Variants in HAX1 observed in about 807,000 individuals in gnomAD.
HAX1 encodes the protein HCLS1-associated protein X-1.
HAX1 carries 27 observed loss-of-function variants against 31.1 expected under a neutral mutation model. The ratio of observed to expected loss-of-function variants is 0.87; its 90% CI spans 0.64 to 1.20. The LOEUF (loss-of-function observed/expected upper bound fraction) is 1.20, where lower values mean the gene tolerates loss of function less well. Among genes scored for constraint, HAX1 ranks in the 50% most tolerant of loss-of-function variants. HAX1 has a pLI of 0.00. For missense variants in HAX1, 357 were observed against 361.6 expected, an observed-to-expected ratio of 0.99 and a Z score of 0.10; for synonymous variants, 114 against 124.1, an observed-to-expected ratio of 0.92 and a Z score of 0.54.
At position 154,274,126 on chromosome 1, in the gene HAX1, G is replaced by A. The variant is rs143120780; in HGVS notation, c.504+165G>A. On this transcript the variant is annotated intron_variant, in intron 3 of 6. Coordinates refer to ENST00000328703, the MANE Select transcript of HAX1 (RefSeq NM_006118.4). ...AGTTGGAGACCAGCCTGGTCAACAT[G>A]GTGAAACCCCGTGTCTACTAAAAAT... Among the ~76,000 whole-genome samples, 1,169 of 152,184 alleles carry A rather than the reference G, an allele frequency of 7.7e-3. 12 individuals carry two copies. Among genetic ancestry groups the A allele is most frequent in the African/African-American group, 0.027 (1,119 of 41,526 alleles).
In HAX1 at chr1:154,275,191, G is replaced by A. The variant is rs752302439; in HGVS notation, c.594G>A (p.Pro198=). ...AGGTTTCCCAGGAGGGTCTTGGCCC[G>A]GTTCTACAGCCCCAGCCCAAATCCT... ...DSQVSQEGLG[P]VLQPQPKSYF... The change falls in exon 5 of 7, where the codon CCG becomes CCA. Residue 198 remains proline (P), a synonymous_variant. Transcript: ENST00000328703. The A allele has an allele frequency of 3.6e-5, 58 of 1,613,338 alleles. No individual in the cohort carries two copies. Among genetic ancestry groups the A allele is most frequent in the African/African-American group, 1.2e-4 (9 of 74,866 alleles).
At chr1:154,275,526 G>A in intron 6 of HAX1, 43 bp downstream of exon 6, 5 of 1,585,216 alleles carry the variant, frequency 3.2e-6, no homozygotes, top group Non-Finnish European at 3.5e-6. Flanking sequence ...ATTCCTTGGG[G>A]AAGGGAAATC....
chr1:154,273,698 A>T, intron 2 of HAX1, 76 bp from the exon 3 acceptor site: 1 of 1,595,422 alleles, frequency 6.3e-7, no homozygotes, highest in Non-Finnish European at 8.6e-7. Flanking sequence ...AAGTGTGAGA[A>T]GACTGATGAT....
chr1:154,272,630 A>T lies in HAX1; in HGVS notation c.-94A>T. 2 of 1,279,566 alleles carry T rather than the reference A, an allele frequency of 1.6e-6. No individual in the cohort carries two copies. The highest frequency in any genetic ancestry group is 1.8e-5 in the Admixed American group (1 of 54,138). 79.3% of individuals were successfully genotyped at this position (1,279,566 alleles called of 1,614,324 possible). ...GCTTGCTTTCCGGTAGCGTGGGCTGACGCCTCGCTCAATTTCTCACAGGGC... is the reference window on the plus strand; with the variant it reads ...GCTTGCTTTCCGGTAGCGTGGGCTGTCGCCTCGCTCAATTTCTCACAGGGC... On this transcript the variant is annotated 5_prime_UTR_variant, in exon 1 of 7. Transcript: ENST00000328703.
Position 154,275,808 on chromosome 1 carries a change from T to C in HAX1, c.*107T>C, listed in dbSNP as rs1368791573. ...ACCTCAGGGGCTTGGATATGTGGAA[T>C]AGTGAACTGGGGCCATGTCAGTTTG... On this transcript the variant is annotated 3_prime_UTR_variant, in exon 7 of 7. Coordinates refer to ENST00000328703, the MANE Select transcript of HAX1 (RefSeq NM_006118.4). 13 of 767,472 alleles carry C rather than the reference T, an allele frequency of 1.7e-5. No homozygotes were observed. The highest frequency in any genetic ancestry group is 2.8e-5 in the Non-Finnish European group (12 of 429,048). The allele number at this position is 767,472 out of a possible 1,614,324, so 47.5% of individuals were successfully genotyped here.
At chr1:154,273,129 G>C in intron 1 of HAX1, 1 of 608,742 alleles carries the variant, frequency 1.6e-6, no homozygotes. Flanking sequence ...AGGGAGCTGC[G>C]AGCTGAGGTC....
chr1:154,274,440 T>C (rs535048810), intron 3 of HAX1, among the ~76,000 whole-genome samples: 1 of 152,136 alleles, frequency 6.6e-6, no homozygotes, highest in Admixed American at 6.5e-5. Flanking sequence ...AGAGATGGCG[T>C]TTCACCGTGT....
In HAX1 at chr1:154,275,458, C is replaced by T. The variant is rs145975391; in HGVS notation, c.729C>T (p.His243=). ...EGRTETTVTR[H]EADSSPRGDP... ...GGACAGAGACTACAGTAACCCGACA[C>T]GAAGCAGATAGCAGTCCTAGGGGTG... The change falls in exon 6 of 7, where the codon CAC becomes CAT. Residue 243 remains histidine, a synonymous_variant. Coordinates refer to ENST00000328703, the MANE Select transcript of HAX1 (RefSeq NM_006118.4). 49 of 1,613,864 alleles carry T rather than the reference C, an allele frequency of 3.0e-5. No individual in the cohort carries two copies. The highest frequency in any genetic ancestry group is 5.5e-5 in the South Asian group (5 of 91,088).
chr1:154,272,719 C>T lies in HAX1; in HGVS notation c.-5C>T, dbSNP rs1221892429. The T allele has an allele frequency of 1.9e-6, 3 of 1,613,984 alleles. No individual in the cohort carries two copies. Among genetic ancestry groups the T allele is most frequent in the Admixed American group, 1.7e-5 (1 of 60,000 alleles). ...GGGTTCAAAGGTTCGCGTCCCAGTA[C>T]GGGAATGAGCCTCTTTGATCTCTTC... On this transcript the variant is annotated 5_prime_UTR_variant, in exon 1 of 7. The change creates a new upstream start codon in the 5' untranslated region. Transcript: ENST00000328703.
intron 2 of HAX1, 36 bp from the exon 3 acceptor site, chr1:154,273,738 T>C: frequency 6.2e-7 from 1 of 1,613,400 alleles, no homozygotes; most frequent in Non-Finnish European, 8.5e-7. Flanking sequence ...CCCAAGTCCT[T>C]TCCCATCCCA....
intron 3 of HAX1, among the ~76,000 whole-genome samples, chr1:154,274,662 G>T (rs1406016255): frequency 6.6e-6 from 1 of 152,042 alleles, no homozygotes; most frequent in Non-Finnish European, 1.5e-5. Context: ...GGGGAGATGG[G>T]TGTTCTGTTT....
At position 154,274,936 on chromosome 1, in the gene HAX1, G is replaced by T. The variant is rs200863707; in HGVS notation, c.505-14G>T. ...TGGAAGGAGTCTTTTCACTTACTAT[G>T]GTTTCTTCTGCAGTTTGATGATGTA... On this transcript the variant is annotated splice_polypyrimidine_tract_variant and intron_variant, in intron 3 of 6. Coordinates refer to ENST00000328703, the MANE Select transcript of HAX1 (RefSeq NM_006118.4). 5 of 1,599,758 alleles carry T rather than the reference G, an allele frequency of 3.1e-6. No individual in the cohort carries two copies. The African/African-American group carries it at 6.7e-5, about 21-fold the overall frequency.
At chr1:154,274,849 T>C in intron 3 of HAX1, 101 bp from the exon 4 acceptor site, 1 of 797,238 alleles carries the variant, frequency 1.3e-6, no homozygotes, top group Non-Finnish European at 2.2e-6. Flanking sequence ...TTATCTCTTC[T>C]GTGGAAGGGG....
rs769438062 is a variant in HAX1 at position 154,273,478 on chromosome 1, A to G, written c.196A>G (p.Ser66Gly). Residue 66 changes from serine to glycine, a missense_variant, in exon 2 of 7, where the codon AGC becomes GGC. Transcript: ENST00000328703. Reference protein sequence around the residue: ...HPPEEFGFGFSFSPGGGIRFH... With the variant: ...HPPEEFGFGFGFSPGGGIRFH... ...CCCTGAGGAATTTGGCTTCGGCTTC[A>G]GCTTCAGCCCAGGAGGAGGGATACG... is the stretch of plus-strand genomic sequence containing the variant. 3.7e-6 allele frequency: 6 copies of G among 1,614,068 alleles called. No homozygotes were observed. The highest frequency in any genetic ancestry group is 5.1e-6 in the Non-Finnish European group (6 of 1,180,032).
chr1:154,275,502 G>C lies in HAX1; in HGVS notation c.754+19G>C, dbSNP rs1000402034. 1.2e-5 allele frequency: 19 copies of C among 1,602,176 alleles called. No individual in the cohort carries two copies. The highest frequency in any genetic ancestry group is 1.6e-5 in the Non-Finnish European group (19 of 1,169,282). ...AGGGGTGGTAAGTTAAAAGACAAAGGGGTTCATCTCAAGATTCCTTGGGGA... is the reference window on the plus strand; with the variant it reads ...AGGGGTGGTAAGTTAAAAGACAAAGCGGTTCATCTCAAGATTCCTTGGGGA... On this transcript the variant is annotated intron_variant, in intron 6 of 6. Coordinates refer to ENST00000328703, the MANE Select transcript of HAX1 (RefSeq NM_006118.4).
Position 154,275,694 on chromosome 1 carries a change from C to G in HAX1, c.833C>G (p.Ser278Cys). 1 of 1,611,984 alleles carries G rather than the reference C, an allele frequency of 6.2e-7. No individual in the cohort carries two copies. The highest frequency in any genetic ancestry group is 8.5e-7 in the Non-Finnish European group (1 of 1,178,118). ...TTATTCCTGGGACGTTGGTTCCGGT[C>G]CCGGTAGCCTTGTTAACCCTCAGAG... The part of the protein sequence containing the change: ...LDLFLGRWFR[S>C]R The change falls in exon 7 of 7, where the codon TCC becomes TGC. Residue 278 changes from serine (S) to cysteine (C), a missense_variant. Physicochemically the swap from Ser to Cys is moderately radical, Grantham distance 112. Coordinates refer to ENST00000328703, the MANE Select transcript of HAX1 (RefSeq NM_006118.4).
chr1:154,273,711 CAG>C, intron 2 of HAX1, 61 bp from the exon 3 acceptor site: 1 of 1,601,060 alleles, frequency 6.2e-7, no homozygotes, highest in Non-Finnish European at 8.6e-7. Context: ...CTGATGATTT[CAG>C]AGAGATTAAT....
At position 154,273,573 on chromosome 1, in the gene HAX1, C is replaced by T; in HGVS notation, c.291C>T (p.Ala97=). 2.5e-6 allele frequency: 4 copies of T among 1,614,162 alleles called. No individual in the cohort carries two copies. The highest frequency in any genetic ancestry group is 3.4e-6 in the Non-Finnish European group (4 of 1,180,024). ...ATAGCATCTTCAGCGATATGGGGGCCTGGACCTTGCCTTCCCATCCTCCTG... is the reference window on the plus strand; with the variant it reads ...ATAGCATCTTCAGCGATATGGGGGCTTGGACCTTGCCTTCCCATCCTCCTG... ...DFNSIFSDMG[A]WTLPSHPPEL... Residue 97 remains alanine (A), a synonymous_variant, in exon 2 of 7, where the codon GCC becomes GCT. Coordinates refer to ENST00000328703, the MANE Select transcript of HAX1 (RefSeq NM_006118.4).
Position 154,272,646 on chromosome 1 carries a change from C to T in HAX1, c.-78C>T. 1.4e-6 allele frequency: 2 copies of T among 1,450,396 alleles called. No homozygotes were observed. Among genetic ancestry groups the T allele is most frequent in the Non-Finnish European group, 1.9e-6 (2 of 1,036,956 alleles). The allele number at this position is 1,450,396 out of a possible 1,614,324, so 89.8% of individuals were successfully genotyped here. On this transcript the variant is annotated 5_prime_UTR_variant, in exon 1 of 7. Coordinates refer to ENST00000328703, the MANE Select transcript of HAX1 (RefSeq NM_006118.4). Reference sequence around the variant, plus strand: ...CGTGGGCTGACGCCTCGCTCAATTTCTCACAGGGCTGCGCAGGTTTCCCCC... The same window carrying T: ...CGTGGGCTGACGCCTCGCTCAATTTTTCACAGGGCTGCGCAGGTTTCCCCC...
Sources: gnomAD v4.1 joint callset for allele counts (sites outside exome capture counted in the v4.1 genomes callset) on GRCh38, gnomAD v4.1.1 for gene constraint, MANE v1.5 for transcripts, NCBI Gene and HGNC (gene_info 2026-07-23, HGNC 2026-07-21) for gene names.